CORO7: variants seen among roughly 807,000 people sequenced by gnomAD.
CORO7 encodes the protein coronin 7.
Under a neutral mutation model 126.6 loss-of-function variants are expected in CORO7, and 107 were observed. The observed-to-expected ratio is 0.85, with a 90% confidence interval of 0.72 to 0.99. CORO7 has a LOEUF of 0.99. Among genes scored for constraint, CORO7 ranks in the 50% least tolerant of loss-of-function variants. CORO7 has a pLI of 0.00. For synonymous variants in CORO7, 603 were observed against 536.8 expected, an observed-to-expected ratio of 1.12 and a Z score of -1.70; for missense variants, 1,314 against 1,255.8, an observed-to-expected ratio of 1.05 and a Z score of -0.70.
chr16:4,373,918 G>A (rs963888906), intron 9 of CORO7, among the ~76,000 whole-genome samples: 2 of 152,146 alleles, frequency 1.3e-5, no homozygotes, highest in African/African-American at 4.8e-5. Flanking sequence ...TCATGGGAGG[G>A]CAGCAAGGCC....
intron 5 of CORO7, 119 bp from the exon 6 acceptor site, chr16:4,405,686 C>T (rs1228288876): frequency 2.1e-5 from 26 of 1,235,180 alleles, no homozygotes; most frequent in Non-Finnish European, 2.8e-5. Context: ...GGGTCCTTTT[C>T]AGCCAAGGGG....
At chr16:4,364,147 C>A (rs1296549850) in intron 14 of CORO7, 129 bp downstream of exon 14, 1 of 1,282,200 alleles carries the variant, frequency 7.8e-7, no homozygotes, top group African/African-American at 1.5e-5. Context: ...GGTTGCGCCA[C>A]TGCACTCTAG....
chr16:4,385,604 G>A (rs1437511139), intron 9 of CORO7, among the ~76,000 whole-genome samples: 1 of 152,166 alleles, frequency 6.6e-6, no homozygotes, highest in African/African-American at 2.4e-5. Flanking sequence ...GCCAAGCATG[G>A]TACCAAGCAC....
intron 16 of CORO7, 138 bp downstream of exon 16, chr16:4,361,847 T>C: frequency 1.5e-6 from 2 of 1,361,820 alleles, no homozygotes; most frequent in Non-Finnish European, 2.0e-6. Context: ...GGCAGGTGGC[T>C]GGGAGGATCA....
intron 9 of CORO7, among the ~76,000 whole-genome samples, chr16:4,368,440 G>A (rs1418697341): frequency 6.6e-6 from 1 of 151,808 alleles, no homozygotes; most frequent in East Asian, 2.0e-4. Context: ...TTGAGCCCAG[G>A]AGTTTGAGGC....
chr16:4,407,790 G>A, intron 4 of CORO7, 106 bp from the exon 5 acceptor site: 3 of 1,368,728 alleles, frequency 2.2e-6, no homozygotes, highest in Non-Finnish European at 2.9e-6. Flanking sequence ...GCTGCTCCAG[G>A]AGACCACACA....
At chr16:4,380,751 T>G in intron 9 of CORO7, 4 of 1,157,038 alleles carry the variant, frequency 3.5e-6, no homozygotes, top group Non-Finnish European at 4.7e-6. Context: ...CTCATAACCA[T>G]TGGGTTCTCT....
intron 9 of CORO7, among the ~76,000 whole-genome samples, chr16:4,386,812 T>C (rs981363537): frequency 6.6e-6 from 1 of 152,150 alleles, no homozygotes; most frequent in Admixed American, 6.5e-5. Context: ...CCCTGACCCC[T>C]ACCCCTCCTC....
Position 4,407,510 on chromosome 16 carries a change from G to T in CORO7, c.478C>A (p.Pro160Thr). Residue 160 changes from proline to threonine, a missense_variant, in exon 5 of 28, where the codon CCC (proline) becomes ACC (threonine). Physicochemically the swap from Pro to Thr is conservative, Grantham distance 38. Transcript: ENST00000251166. ...VKVWDAAKQQPLTELAAHGDL... is the reference protein window; with the variant it reads ...VKVWDAAKQQTLTELAAHGDL... Reference sequence around the variant, plus strand: ...CCAGGGTGGCCTGTACCTGTCAGGGGCTGCTGCTTGGCTGCGTCCCAGACC... The same window carrying T: ...CCAGGGTGGCCTGTACCTGTCAGGGTCTGCTGCTTGGCTGCGTCCCAGACC... 6.4e-7 allele frequency: 1 copy of T among 1,567,880 alleles called. No homozygotes were observed.
intron 2 of CORO7, chr16:4,412,675 C>T (rs1177149140): frequency 1.9e-5 from 10 of 528,156 alleles, no homozygotes; most frequent in Middle Eastern, 4.7e-4. Context: ...CTTTTTAACA[C>T]GGGTCATACG....
intron 9 of CORO7, 128 bp downstream of exon 9, chr16:4,387,858 G>T: frequency 8.3e-7 from 1 of 1,212,118 alleles, no homozygotes; most frequent in Non-Finnish European, 1.2e-6. Flanking sequence ...AGGCCTTGCA[G>T]CCCAGATCAG....
At chr16:4,355,461 A>AAAAGAACT in intron 26 of CORO7, 89 bp from the exon 27 acceptor site, 1 of 1,416,088 alleles carries the variant, frequency 7.1e-7, no homozygotes, top group South Asian at 1.3e-5. Context: ...CAAGGCTGTG[A>AAAAGAACT]AAAGAACTTT....
intron 23 of CORO7, 83 bp downstream of exon 23, chr16:4,359,213 G>T (rs1452934552): frequency 1.4e-6 from 2 of 1,422,036 alleles, no homozygotes; most frequent in African/African-American, 1.4e-5. Flanking sequence ...CGACCCACAG[G>T]CTCCTGTACT....
chr16:4,360,158 C>G lies in CORO7; in HGVS notation c.2108+120G>C, dbSNP rs1178027417. 11 of 1,314,756 alleles carry G rather than the reference C, an allele frequency of 8.4e-6. No individual in the cohort carries two copies. The Admixed American group carries it at 1.4e-4, about 17-fold the overall frequency. The allele number at this position is 1,314,756 out of a possible 1,614,324, so 81.4% of individuals were successfully genotyped here. A position where few individuals can be genotyped will look rare whatever the true frequency, so the allele number is the denominator to read the frequency against. ...ACTCATCCAATCATCTACCCACCCACCCAACCATCCAGTGAGGGGCAGGAA... is the reference window on the plus strand; with the variant it reads ...ACTCATCCAATCATCTACCCACCCAGCCAACCATCCAGTGAGGGGCAGGAA... On this transcript the variant is annotated intron_variant, in intron 21 of 27. Transcript: ENST00000251166.
intron 3 of CORO7, 109 bp downstream of exon 3, chr16:4,412,247 A>G: frequency 8.4e-7 from 1 of 1,193,610 alleles, no homozygotes; most frequent in Non-Finnish European, 1.2e-6. Flanking sequence ...GGGCGACAGG[A>G]GGGACCTGGC....
rs141904089 is a variant in CORO7, at chr16:4,397,947, C to T, written c.565-2608G>A. Among the ~76,000 whole-genome samples, 5 of 150,742 alleles carry T rather than the reference C, an allele frequency of 3.3e-5. No homozygotes were observed. In the East Asian group the frequency reaches 5.9e-4, roughly 18 times the overall value. ...TTTGTTTGTTTTTGAGACAGAGTCT[C>T]GCTCTGTTGCCCAGGCCCAAGCGCA... is the stretch of plus-strand genomic sequence containing the variant. On this transcript the variant is annotated intron_variant, in intron 6 of 27. Coordinates refer to ENST00000251166, the MANE Select transcript of CORO7 (RefSeq NM_024535.5).
At position 4,358,223 on chromosome 16, in the gene CORO7, A is replaced by G. The variant is rs1020041043; in HGVS notation, c.2458-120T>C. On this transcript the variant is annotated intron_variant, in intron 24 of 27. Transcript: ENST00000251166. ...CTCCCACCAGCCTGGGGCTTCCATG[A>G]GTTTCAGCATCTCAGCAGAAGGGGG... The G allele has an allele frequency of 5.2e-6, 8 of 1,534,808 alleles. No individual in the cohort carries two copies. The African/African-American group carries it at 9.6e-5, about 18-fold the overall frequency.
In CORO7 at chr16:4,407,652, C is replaced by T. The variant is rs2141321085; in HGVS notation, c.336G>A (p.Gln112=). The T allele has an allele frequency of 2.5e-6, 4 of 1,604,152 alleles. No homozygotes were observed. Among genetic ancestry groups the T allele is most frequent in the Non-Finnish European group, 2.5e-6 (3 of 1,176,488 alleles). The change falls in exon 5 of 28, where the codon CAG becomes CAA. Residue 112 remains glutamine (Q), a synonymous_variant. Transcript: ENST00000251166. The part of the protein sequence containing the change: ...VKLWRLPGPG[Q]ALPSAPGVVL... Reference sequence around the variant, plus strand: ...CCACCCCGGGTGCTGAGGGCAGGGCCTGGCCAGGCCCTGGCAGTCGCCAGA... The same window carrying T: ...CCACCCCGGGTGCTGAGGGCAGGGCTTGGCCAGGCCCTGGCAGTCGCCAGA...
intron 7 of CORO7, 61 bp downstream of exon 7, chr16:4,395,228 C>T (rs921956196): frequency 6.2e-7 from 1 of 1,612,126 alleles, no homozygotes; most frequent in South Asian, 1.1e-5. Context: ...CCTGCTAGAA[C>T]CACTGGGTCC....
Sources: allele counts gnomAD v4.1 joint callset (sites outside exome capture counted in the v4.1 genomes callset), GRCh38; gene constraint gnomAD v4.1.1; transcripts MANE v1.5; gene names NCBI Gene and HGNC (gene_info 2026-07-23, HGNC 2026-07-21).